Variants in TSPAN2 observed in about 807,000 individuals in gnomAD.
TSPAN2 encodes tetraspanin-2.
In TSPAN2, 24 loss-of-function variants were observed where a neutral mutation model predicts 33.3. The ratio of observed to expected loss-of-function variants is 0.72; its 90% CI spans 0.52 to 1.01. The LOEUF (loss-of-function observed/expected upper bound fraction) is 1.01, where lower values mean the gene tolerates loss of function less well. Among genes scored for constraint, TSPAN2 ranks in the 50% least tolerant of loss-of-function variants. The pLI is 0.00. For missense variants in TSPAN2, 278 were observed against 281.3 expected, an observed-to-expected ratio of 0.99 and a Z score of 0.08; for synonymous variants, 114 against 104.5, an observed-to-expected ratio of 1.09 and a Z score of -0.56.
At chr1:115,075,863 T>C (rs1432388751) in intron 1 of TSPAN2, among the ~76,000 whole-genome samples, 1 of 152,200 alleles carries the variant, frequency 6.6e-6, no homozygotes, top group Non-Finnish European at 1.5e-5. Context: ...CTACCATTTT[T>C]TTTTTAACCT....
At position 115,048,614 on chromosome 1, in the gene TSPAN2, G is replaced by A. The variant is rs1481363493; in HGVS notation, c.*1876C>T. The A allele has an allele frequency of 3.3e-5, 5 of 152,024 alleles. No individual in the cohort carries two copies. The highest frequency in any genetic ancestry group is 3.3e-4 in the Admixed American group (5 of 15,252). The allele number at this position is 152,024 out of a possible 1,614,324, so 9.4% of individuals were successfully genotyped here. A position where few individuals can be genotyped will look rare whatever the true frequency, so the allele number is the denominator to read the frequency against. On this transcript the variant is annotated 3_prime_UTR_variant, in exon 8 of 8. Transcript: ENST00000369516. ...TTTGTGGAATCAGAGATGATTCTGA[G>A]TTGGAAAGAACCCGAGTATGCACTT... is the stretch of plus-strand genomic sequence containing the variant.
intron 2 of TSPAN2, among the ~76,000 whole-genome samples, chr1:115,071,893 C>T (rs982374230): frequency 2.0e-5 from 3 of 151,564 alleles, no homozygotes; most frequent in African/African-American, 4.9e-5. Flanking sequence ...GTGGGGCCTG[C>T]GCTCTCTCTC....
chr1:115,072,189 A>G (rs759169377), intron 2 of TSPAN2, among the ~76,000 whole-genome samples: 19 of 152,226 alleles, frequency 1.2e-4, no homozygotes, highest in Non-Finnish European at 2.2e-4. Flanking sequence ...CCTACTAAGA[A>G]CACTGCCTTG....
At chr1:115,073,304 T>A (rs184601056) in intron 1 of TSPAN2, among the ~76,000 whole-genome samples, 17 of 152,154 alleles carry the variant, frequency 1.1e-4, no homozygotes, top group Non-Finnish European at 2.4e-4. Context: ...CAGGGAGGTG[T>A]CTCAAAAGCA....
At chr1:115,064,765 G>C (rs2101031971) in intron 2 of TSPAN2, among the ~76,000 whole-genome samples, 1 of 152,280 alleles carries the variant, frequency 6.6e-6, no homozygotes, top group African/African-American at 2.4e-5. Flanking sequence ...CAACTACATA[G>C]CTGTGCTCTC....
At chr1:115,052,393 T>G (rs1259785310) in intron 7 of TSPAN2, among the ~76,000 whole-genome samples, 1 of 152,196 alleles carries the variant, frequency 6.6e-6, no homozygotes, top group Non-Finnish European at 1.5e-5. Context: ...TAGCATTAGC[T>G]ATTATCATCC....
At chr1:115,062,360 A>G (rs1352383312) in intron 2 of TSPAN2, 128 bp from the exon 3 acceptor site, 1 of 683,204 alleles carries the variant, frequency 1.5e-6, no homozygotes, top group African/African-American at 1.8e-5. Context: ...TCTTACTGCC[A>G]TGTTTGACAC....
intron 1 of TSPAN2, among the ~76,000 whole-genome samples, chr1:115,082,946 G>A (rs908461644): frequency 2.0e-5 from 3 of 152,174 alleles, no homozygotes; most frequent in African/African-American, 4.8e-5. Context: ...ACACTATTTC[G>A]TGAGATTGTT....
chr1:115,087,431 C>A (rs544297716), intron 1 of TSPAN2, among the ~76,000 whole-genome samples: 2 of 151,442 alleles, frequency 1.3e-5, no homozygotes, highest in African/African-American at 4.9e-5. Context: ...CTGGCTAACA[C>A]GGTAAAATCC....
At chr1:115,082,474 A>T (rs1475097791) in intron 1 of TSPAN2, among the ~76,000 whole-genome samples, 4 of 152,228 alleles carry the variant, frequency 2.6e-5, no homozygotes, top group African/African-American at 9.6e-5. Flanking sequence ...TGTGAGGATT[A>T]AATTAGTTAA....
At position 115,061,665 on chromosome 1, in the gene TSPAN2, TA is replaced by T. The variant is rs758257955; in HGVS notation, c.270+469del. Among the ~76,000 whole-genome samples the T allele has an allele frequency of 8.5e-5, 13 of 152,148 alleles. No homozygotes were observed. In the East Asian group the frequency reaches 1.3e-3, roughly 16 times the overall value. On this transcript the variant is annotated intron_variant, in intron 3 of 7. Transcript: ENST00000369516. ...CCATATAAGGCAGGAACAAAGATAA[TA>T]TTTTTTTTCTTTTTTCTTTTTTCAA...
chr1:115,071,796 G>A (rs1008807818), intron 2 of TSPAN2, among the ~76,000 whole-genome samples: 53 of 152,096 alleles, frequency 3.5e-4, no homozygotes, highest in Admixed American at 1.0e-3. Flanking sequence ...TCTTTTCCTC[G>A]CAGGAGGATG....
At chr1:115,065,283 T>C (rs949512194) in intron 2 of TSPAN2, among the ~76,000 whole-genome samples, 1 of 152,228 alleles carries the variant, frequency 6.6e-6, no homozygotes, top group African/African-American at 2.4e-5. Context: ...CCAAGGATAC[T>C]TTATCCTTCT....
intron 1 of TSPAN2, among the ~76,000 whole-genome samples, chr1:115,077,301 C>A (rs112593813): frequency 0.03 from 4,357 of 146,928 alleles, 99 homozygotes; most frequent in Non-Finnish European, 0.045. Context: ...AAGAGTGTGC[C>A]AACTGTTAAA....
At chr1:115,075,070 G>GCCCCACCACGA in intron 1 of TSPAN2, among the ~76,000 whole-genome samples, 1 of 152,258 alleles carries the variant, frequency 6.6e-6, no homozygotes, top group African/African-American at 2.4e-5. Context: ...ACTGGTCCCA[G>GCCCCACCACGA]GGACACCCCA....
intron 2 of TSPAN2, among the ~76,000 whole-genome samples, chr1:115,071,360 G>A (rs1254097028): frequency 9.9e-5 from 15 of 152,164 alleles, no homozygotes. Context: ...GTTCTCTTTT[G>A]GATGTTGCTG....
intron 1 of TSPAN2, among the ~76,000 whole-genome samples, chr1:115,080,208 T>C (rs967021551): frequency 2.7e-5 from 4 of 150,784 alleles, no homozygotes; most frequent in African/African-American, 1.0e-4. Flanking sequence ...GTCTTTTCTC[T>C]TAACAATACA....
At chr1:115,072,214 A>C (rs528790307) in intron 2 of TSPAN2, among the ~76,000 whole-genome samples, 2 of 152,010 alleles carry the variant, frequency 1.3e-5, no homozygotes, top group South Asian at 4.2e-4. Flanking sequence ...TGGAGGCTGC[A>C]CCCCACCCCA....
At chr1:115,085,946 C>T (rs1648816490) in intron 1 of TSPAN2, among the ~76,000 whole-genome samples, 1 of 152,078 alleles carries the variant, frequency 6.6e-6, no homozygotes, top group Admixed American at 6.5e-5. Flanking sequence ...AAACAAAATT[C>T]CTGCTCTCAG....
Sources: gnomAD v4.1 joint callset for allele counts (sites outside exome capture counted in the v4.1 genomes callset) on GRCh38, gnomAD v4.1.1 for gene constraint, MANE v1.5 for transcripts, NCBI Gene and HGNC (gene_info 2026-07-23, HGNC 2026-07-21) for gene names.